The following EML6 variants were observed in gnomAD, a reference collection of about 807,000 sequenced individuals.
EML6 encodes echinoderm microtubule-associated protein-like 6.
A neutral mutation model predicts 240.1 loss-of-function variants in EML6; 154 were observed. The observed-to-expected ratio is 0.64, with a 90% confidence interval of 0.56 to 0.73. The LOEUF is 0.73. Among genes scored for constraint, EML6 ranks in the 30% least tolerant of loss-of-function variants. The pLI is 0.00. For missense variants in EML6, 2,964 were observed against 2,474.6 expected, an observed-to-expected ratio of 1.20 and a Z score of -4.20; for synonymous variants, 1,148 against 899.0, an observed-to-expected ratio of 1.28 and a Z score of -4.95.
At chr2:54,764,052 C>T (rs1350793575) in intron 2 of EML6, among the ~76,000 whole-genome samples, 1 of 152,182 alleles carries the variant, frequency 6.6e-6, no homozygotes, top group Non-Finnish European at 1.5e-5. Flanking sequence ...AACTTCCTGC[C>T]CTCTAGTCAG....
intron 28 of EML6, among the ~76,000 whole-genome samples, chr2:54,944,437 T>C (rs143772562): frequency 2.0e-5 from 3 of 152,282 alleles, no homozygotes; most frequent in Non-Finnish European, 4.4e-5. Context: ...CTTTAAATAT[T>C]CACCTGTTTT....
intron 2 of EML6, among the ~76,000 whole-genome samples, chr2:54,726,399 A>G (rs1019901659): frequency 1.3e-5 from 2 of 152,262 alleles, no homozygotes; most frequent in East Asian, 3.9e-4. Flanking sequence ...GATTTCAAAG[A>G]TCAGCTTTTT....
chr2:54,938,982 T>C (rs188065029), intron 28 of EML6, among the ~76,000 whole-genome samples: 1 of 152,318 alleles, frequency 6.6e-6, no homozygotes, highest in East Asian at 1.9e-4. Context: ...CCCAAGTAGG[T>C]TGTCAACTCT....
At chr2:54,899,059 C>T (rs532274605) in intron 21 of EML6, among the ~76,000 whole-genome samples, 9 of 152,164 alleles carry the variant, frequency 5.9e-5, no homozygotes, top group Admixed American at 1.3e-4. Flanking sequence ...TGAACAGACG[C>T]AGAACCTGGG....
At chr2:54,750,218 A>T (rs1446544155) in intron 2 of EML6, among the ~76,000 whole-genome samples, 1 of 152,178 alleles carries the variant, frequency 6.6e-6, no homozygotes, top group Admixed American at 6.5e-5. Context: ...AACTCAGGTG[A>T]CATGCAGATT....
chr2:54,763,219 G>C (rs73934841), intron 2 of EML6, among the ~76,000 whole-genome samples: 3,729 of 152,242 alleles, frequency 0.024, 157 homozygotes, highest in African/African-American at 0.085. Flanking sequence ...TTTATTTGCA[G>C]TTCTTTTATA....
At chr2:54,940,635 T>C (rs1159392792) in intron 28 of EML6, among the ~76,000 whole-genome samples, 1 of 152,206 alleles carries the variant, frequency 6.6e-6, no homozygotes, top group Non-Finnish European at 1.5e-5. Flanking sequence ...TCTCTTAATA[T>C]TTAATCTGTC....
chr2:54,741,904 A>G (rs1047632286), intron 2 of EML6, among the ~76,000 whole-genome samples: 16 of 152,194 alleles, frequency 1.1e-4, no homozygotes, highest in African/African-American at 3.9e-4. Flanking sequence ...AAACCAATGG[A>G]TGCTATAACT....
At chr2:54,882,912 G>T (rs1006529973) in intron 17 of EML6, 2 of 144,780 alleles carry the variant, frequency 1.4e-5, no homozygotes, top group Non-Finnish European at 3.0e-5. Flanking sequence ...GCATATGGCA[G>T]GCGTATCGAA....
chr2:54,942,409 C>T (rs1338246889), intron 28 of EML6, among the ~76,000 whole-genome samples: 2 of 152,116 alleles, frequency 1.3e-5, no homozygotes, highest in Non-Finnish European at 2.9e-5. Flanking sequence ...TTCTTTTAGG[C>T]AAGTGTCTGA....
chr2:54,865,746 C>G (rs1291744595), intron 13 of EML6, among the ~76,000 whole-genome samples: 1 of 152,188 alleles, frequency 6.6e-6, no homozygotes, highest in Non-Finnish European at 1.5e-5. Flanking sequence ...GAATACTCAA[C>G]CTGTATATTC....
chr2:54,844,892 T>C (rs1195716520), intron 8 of EML6, among the ~76,000 whole-genome samples: 3 of 152,208 alleles, frequency 2.0e-5, no homozygotes, highest in African/African-American at 7.2e-5. Context: ...AATGAACATA[T>C]GACTTAAAGG....
At chr2:54,922,630 G>T (rs1674318765) in intron 26 of EML6, among the ~76,000 whole-genome samples, 1 of 152,086 alleles carries the variant, frequency 6.6e-6, no homozygotes, top group Non-Finnish European at 1.5e-5. Flanking sequence ...GCCAAGATAT[G>T]GAAACAACTG....
At chr2:54,924,812 C>T (rs1366019061) in intron 26 of EML6, among the ~76,000 whole-genome samples, 1 of 152,156 alleles carries the variant, frequency 6.6e-6, no homozygotes, top group Non-Finnish European at 1.5e-5. Context: ...ATCCACCTGC[C>T]TTGGCCTCCC....
intron 7 of EML6, among the ~76,000 whole-genome samples, chr2:54,839,797 GA>G (rs908667315): frequency 1.3e-5 from 2 of 152,208 alleles, no homozygotes; most frequent in Admixed American, 1.3e-4. Context: ...GATATGGTCT[GA>G]AAAACACTGA....
chr2:54,830,091 G>A (rs74733567), intron 7 of EML6, among the ~76,000 whole-genome samples: 118 of 152,204 alleles, frequency 7.8e-4, no homozygotes, highest in African/African-American at 2.5e-3. Flanking sequence ...CTTGCAAAGC[G>A]CACTTAGCAC....
At chr2:54,745,548 G>T (rs946326657) in intron 2 of EML6, among the ~76,000 whole-genome samples, 2 of 152,162 alleles carry the variant, frequency 1.3e-5, no homozygotes, top group Non-Finnish European at 2.9e-5. Context: ...AGGCTGAGAG[G>T]GTAGGATCGC....
intron 7 of EML6, among the ~76,000 whole-genome samples, chr2:54,838,538 C>A (rs1402314620): frequency 1.3e-5 from 2 of 152,042 alleles, no homozygotes; most frequent in Non-Finnish European, 2.9e-5. Flanking sequence ...AAGCAATGTC[C>A]CTTAGTAATG....
At chr2:54,831,072 T>A (rs1668845729) in intron 7 of EML6, among the ~76,000 whole-genome samples, 1 of 152,102 alleles carries the variant, frequency 6.6e-6, no homozygotes, top group African/African-American at 2.4e-5. Context: ...TAAGAGCAAT[T>A]TTTTTTAAGT....
Sources: allele counts gnomAD v4.1 joint callset (sites outside exome capture counted in the v4.1 genomes callset), GRCh38; gene constraint gnomAD v4.1.1; transcripts MANE v1.5; gene names NCBI Gene and HGNC (gene_info 2026-07-23, HGNC 2026-07-21).